Variants in ACTR3B observed in about 807,000 individuals in gnomAD.
ACTR3B encodes the protein actin related protein 3B.
In ACTR3B, 8 loss-of-function variants were observed where a neutral mutation model predicts 59.0. The observed-to-expected ratio is 0.14, with a 90% CI of 0.08 to 0.24. ACTR3B has a LOEUF of 0.24. ACTR3B is among the 10% of genes least tolerant of loss of function. ACTR3B has a pLI of 1.00. For synonymous variants in ACTR3B, 148 were observed against 197.9 expected, an observed-to-expected ratio of 0.75 and a Z score of 2.12; for missense variants, 245 against 552.3, an observed-to-expected ratio of 0.44 and a Z score of 5.58.
At chr7:152,764,977 A>G (rs2098103646) in intron 1 of ACTR3B, among the ~76,000 whole-genome samples, 1 of 152,230 alleles carries the variant, frequency 6.6e-6, no homozygotes, top group African/African-American at 2.4e-5. Flanking sequence ...AGAATGGTGA[A>G]GGTGACAGCA....
chr7:152,799,572 G>A (rs1247210570), intron 2 of ACTR3B, among the ~76,000 whole-genome samples: 1 of 152,200 alleles, frequency 6.6e-6, no homozygotes, highest in East Asian at 1.9e-4. Context: ...AAAGATGGGG[G>A]TTATCTGATG....
chr7:152,809,641 A>G (rs1402035700), intron 4 of ACTR3B, among the ~76,000 whole-genome samples: 2 of 151,604 alleles, frequency 1.3e-5, no homozygotes, highest in African/African-American at 4.9e-5. Context: ...TCCCGGGTTC[A>G]AGCAATTCCC....
intron 2 of ACTR3B, among the ~76,000 whole-genome samples, chr7:152,797,580 G>A (rs149197119): frequency 0.013 from 1,927 of 152,034 alleles, 29 homozygotes; most frequent in African/African-American, 0.037. Flanking sequence ...GCAATATATC[G>A]TCATTAACTG....
chr7:152,851,647 G>C (rs571414593), intron 9 of ACTR3B, among the ~76,000 whole-genome samples: 4 of 152,330 alleles, frequency 2.6e-5, no homozygotes, highest in African/African-American at 9.6e-5. Context: ...AGTGCTGGCT[G>C]GGTGGCTCAT....
At chr7:152,842,351 C>G (rs1797932661) in intron 9 of ACTR3B, among the ~76,000 whole-genome samples, 1 of 152,166 alleles carries the variant, frequency 6.6e-6, no homozygotes, top group African/African-American at 2.4e-5. Context: ...ACATGCTGGA[C>G]AAAGAGAAGA....
At chr7:152,774,635 C>G (rs2098132194) in intron 1 of ACTR3B, among the ~76,000 whole-genome samples, 1 of 151,682 alleles carries the variant, frequency 6.6e-6, no homozygotes, top group African/African-American at 2.4e-5. Context: ...GGGCAGTGTG[C>G]TTTATGATCT....
intron 9 of ACTR3B, among the ~76,000 whole-genome samples, chr7:152,837,724 G>A (rs1249546018): frequency 6.6e-6 from 1 of 152,234 alleles, no homozygotes; most frequent in Non-Finnish European, 1.5e-5. Flanking sequence ...TGGATTGTGT[G>A]TTGGTAATAA....
chr7:152,853,072 C>T (rs1009691833), intron 10 of ACTR3B, among the ~76,000 whole-genome samples: 1 of 151,948 alleles, frequency 6.6e-6, no homozygotes, highest in East Asian at 1.9e-4. Context: ...ATTACAGGTG[C>T]GAGCTACCAC....
chr7:152,785,548 C>T (rs1376303912), intron 2 of ACTR3B, among the ~76,000 whole-genome samples: 1 of 141,452 alleles, frequency 7.1e-6, no homozygotes, highest in Non-Finnish European at 1.5e-5. Context: ...AGAGGGGCCC[C>T]AGGAGTCAAG....
intron 7 of ACTR3B, among the ~76,000 whole-genome samples, 198 bp from the exon 8 acceptor site, chr7:152,823,144 G>A (rs952083149): frequency 1.3e-5 from 2 of 152,208 alleles, no homozygotes; most frequent in Non-Finnish European, 2.9e-5. Flanking sequence ...AGACTTACCT[G>A]TCCGAAGTCC....
At chr7:152,831,964 T>C (rs1442062495) in intron 9 of ACTR3B, among the ~76,000 whole-genome samples, 1 of 152,158 alleles carries the variant, frequency 6.6e-6, no homozygotes, top group Non-Finnish European at 1.5e-5. Flanking sequence ...TGCAGGAGTG[T>C]AATGTGACCC....
At chr7:152,786,643 A>G (rs1590246965) in intron 2 of ACTR3B, among the ~76,000 whole-genome samples, 2 of 151,856 alleles carry the variant, frequency 1.3e-5, no homozygotes, top group East Asian at 3.9e-4. Flanking sequence ...ATTACTGCAT[A>G]TTTCATCTCT....
intron 9 of ACTR3B, among the ~76,000 whole-genome samples, chr7:152,832,886 G>C (rs1192891568): frequency 6.6e-6 from 1 of 152,168 alleles, no homozygotes; most frequent in Non-Finnish European, 1.5e-5. Context: ...CCTTAATGTT[G>C]ACCACATCCA....
At chr7:152,809,829 C>T (rs13246740) in intron 4 of ACTR3B, among the ~76,000 whole-genome samples, 7 of 152,144 alleles carry the variant, frequency 4.6e-5, no homozygotes, top group Non-Finnish European at 8.8e-5. Flanking sequence ...GTGTGAGCCA[C>T]TGCGCCCAGC....
In ACTR3B at chr7:152,824,996, T is replaced by G; in HGVS notation, c.859-34T>G. On this transcript the variant is annotated intron_variant, in intron 8 of 11. Coordinates refer to ENST00000256001, the MANE Select transcript of ACTR3B (RefSeq NM_020445.6). This position sits in a 1 kb window ranked among gnomAD's most constrained non-coding sequence, Gnocchi z 4.2. ...CATGTTGTTCTATTTGAGAGAAATG[T>G]GTAATGTTTCTTTTATATTGATACA... 6.2e-7 allele frequency: 1 copy of G among 1,601,038 alleles called. No individual in the cohort carries two copies. Among genetic ancestry groups the G allele is most frequent in the Non-Finnish European group, 8.5e-7 (1 of 1,172,100 alleles).
intron 2 of ACTR3B, among the ~76,000 whole-genome samples, chr7:152,798,102 G>A (rs1262622180): frequency 6.6e-6 from 1 of 152,012 alleles, no homozygotes; most frequent in East Asian, 1.9e-4. Context: ...ATTGTTTGAG[G>A]AGCCTCTATA....
At chr7:152,844,198 C>G (rs1053721909) in intron 9 of ACTR3B, among the ~76,000 whole-genome samples, 1 of 152,010 alleles carries the variant, frequency 6.6e-6, no homozygotes, top group African/African-American at 2.4e-5. Context: ...GCTGGGATTA[C>G]AGGTGCATGC....
At chr7:152,781,469 A>G (rs2098153818) in intron 1 of ACTR3B, among the ~76,000 whole-genome samples, 1 of 151,980 alleles carries the variant, frequency 6.6e-6, no homozygotes, top group African/African-American at 2.4e-5. Flanking sequence ...AGATATAACC[A>G]TGAGAAAGGA....
At chr7:152,796,431 A>G (rs10241315) in intron 2 of ACTR3B, among the ~76,000 whole-genome samples, 3,165 of 145,974 alleles carry the variant, frequency 0.022, 103 homozygotes, top group African/African-American at 0.073. Flanking sequence ...GGTATAGATA[A>G]TATTGTTTAT....
Sources: gnomAD v4.1 joint callset for allele counts (sites outside exome capture counted in the v4.1 genomes callset) on GRCh38, gnomAD v4.1.1 for gene constraint, Gnocchi (gnomAD v3.1) non-coding constraint, MANE v1.5 for transcripts, NCBI Gene and HGNC (gene_info 2026-07-23, HGNC 2026-07-21) for gene names.